The following TFAM variants were observed in gnomAD, a reference collection of about 807,000 sequenced individuals.
TFAM encodes transcription factor A, mitochondrial.
A neutral mutation model predicts 30.6 loss-of-function variants in TFAM; 13 were observed. The observed-to-expected ratio is 0.42, with a 90% CI of 0.28 to 0.67. The LOEUF (loss-of-function observed/expected upper bound fraction) is 0.67, where lower values mean the gene tolerates loss of function less well. Ranked by LOEUF, TFAM falls within the 30% of genes least tolerant of loss-of-function variation. The pLI is 0.21. For missense variants in TFAM, 231 were observed against 293.7 expected, an observed-to-expected ratio of 0.79 and a Z score of 1.56; for synonymous variants, 106 against 94.8, an observed-to-expected ratio of 1.12 and a Z score of -0.69.
intron 4 of TFAM, among the ~76,000 whole-genome samples, chr10:58,389,056 A>G (rs950442835): frequency 1.3e-5 from 2 of 152,224 alleles, no homozygotes; most frequent in Admixed American, 6.5e-5. Flanking sequence ...TCCACATTTA[A>G]GGTGTACAGT....
At chr10:58,386,965 A>T (rs1840502641) in intron 2 of TFAM, among the ~76,000 whole-genome samples, 1 of 152,074 alleles carries the variant, frequency 6.6e-6, no homozygotes, top group African/African-American at 2.4e-5. Flanking sequence ...CGGCGAGAAT[A>T]AAAAATGCTC....
rs545872825 is a variant in TFAM at position 58,391,092 on chromosome 10, CA to C, written c.537+233del. On this transcript the variant is annotated intron_variant, in intron 5 of 6. Coordinates refer to ENST00000487519, the MANE Select transcript of TFAM (RefSeq NM_003201.3). ...CAACTTTTTAAATTTAAATACTTAA[CA>C]TTTTTTTTAATATGTAGGGATATTA... 2.6e-4 allele frequency among the ~76,000 whole-genome samples: 39 copies of C among 152,086 alleles called. No homozygotes were observed. The South Asian group carries it at 6.8e-3, about 27-fold the overall frequency.
chr10:58,395,381 G>A lies in TFAM; in HGVS notation c.*307G>A. The A allele has an allele frequency of 2.7e-6, 1 of 367,536 alleles. No individual in the cohort carries two copies. The highest frequency in any genetic ancestry group is 5.0e-6 in the Non-Finnish European group (1 of 198,452). 22.8% of individuals were successfully genotyped at this position (367,536 alleles called of 1,614,324 possible). On this transcript the variant is annotated 3_prime_UTR_variant, in exon 7 of 7. Transcript: ENST00000487519. ...TGAAGTTTTTTTTATACAGGATGAT[G>A]ACTATGGAAAGAGTACTCTTGTTTC...
intron 6 of TFAM, 151 bp from the exon 7 acceptor site, chr10:58,394,777 A>G: frequency 1.4e-6 from 1 of 732,946 alleles, no homozygotes; most frequent in South Asian, 1.9e-5. Context: ...TCATGAAAAT[A>G]TTTCTTCTCC....
At chr10:58,394,607 A>G (rs1840650033) in intron 6 of TFAM, 193 bp downstream of exon 6, 1 of 723,830 alleles carries the variant, frequency 1.4e-6, no homozygotes, top group South Asian at 1.5e-5. Context: ...TAAAATTGGT[A>G]TTTGAAACCA....
chr10:58,394,005 T>C (rs988855324), intron 5 of TFAM, among the ~76,000 whole-genome samples: 1 of 152,186 alleles, frequency 6.6e-6, no homozygotes, highest in African/African-American at 2.4e-5. Flanking sequence ...TAAGTAGACT[T>C]ACTGGACTTG....
In TFAM at chr10:58,394,969, TAATGA is replaced by T; in HGVS notation, c.643_647del (p.Met215ValfsTer8). On this transcript the variant is annotated frameshift_variant, in exon 7 of 7. Transcript: ENST00000487519. LOFTEE classifies it low-confidence loss of function (END_TRUNC). Reference sequence around the variant, plus strand: ...CTAAAGAGGACGAAACTCGTTATCATAATGAAATGAAGTCTTGGGAAGAACAAATG... The same window carrying T: ...CTAAAGAGGACGAAACTCGTTATCATAATGAAGTCTTGGGAAGAACAAATG... 6.2e-7 allele frequency: 1 copy of T among 1,613,800 alleles called. No individual in the cohort carries two copies. Among genetic ancestry groups the T allele is most frequent in the Non-Finnish European group, 8.5e-7 (1 of 1,179,782 alleles).
intron 5 of TFAM, among the ~76,000 whole-genome samples, chr10:58,392,497 C>CT (rs965121643): frequency 2.3e-4 from 34 of 149,408 alleles, no homozygotes; most frequent in African/African-American, 6.9e-4. Context: ...GTCTTCTTTC[C>CT]TTTTTTTTTG....
chr10:58,387,084 A>G (rs1458523026), intron 2 of TFAM, among the ~76,000 whole-genome samples: 1 of 151,988 alleles, frequency 6.6e-6, no homozygotes, highest in Non-Finnish European at 1.5e-5. Context: ...GGAAACATGG[A>G]AATCCTGTCT....
At chr10:58,391,839 C>T (rs1840604233) in intron 5 of TFAM, among the ~76,000 whole-genome samples, 1 of 151,518 alleles carries the variant, frequency 6.6e-6, no homozygotes, top group African/African-American at 2.4e-5. Flanking sequence ...AAGCTGTATT[C>T]ACAGCTGACA....
rs796346575 is a variant in TFAM, at chr10:58,395,572, AC to A, written c.*499del. 4.9e-4 allele frequency: 119 copies of A among 240,452 alleles called. No homozygotes were observed. Among genetic ancestry groups the A allele is most frequent in the African/African-American group, 2.6e-3 (116 of 45,482 alleles). The allele number at this position is 240,452 out of a possible 1,614,324, so 14.9% of individuals were successfully genotyped here. On this transcript the variant is annotated 3_prime_UTR_variant, in exon 7 of 7. Coordinates refer to ENST00000487519, the MANE Select transcript of TFAM (RefSeq NM_003201.3). The stretch of plus-strand genomic sequence containing the variant: ...CATTGTATTCAGAGTTGATGGTTGT[AC>A]ATATAAGTGATTGCTGGTTTTAGTT...
intron 5 of TFAM, among the ~76,000 whole-genome samples, chr10:58,391,343 G>A (rs550975987): frequency 1.7e-4 from 26 of 152,300 alleles, no homozygotes; most frequent in Admixed American, 1.5e-3. Context: ...AATCCCTGCT[G>A]TGGCTTAGTC....
chr10:58,392,689 T>C (rs1364426745), intron 5 of TFAM, among the ~76,000 whole-genome samples: 1 of 152,050 alleles, frequency 6.6e-6, no homozygotes, highest in East Asian at 1.9e-4. Flanking sequence ...AACCTCTTTT[T>C]TTTTTTTGAG....
In TFAM at chr10:58,388,795, A is replaced by G; in HGVS notation, c.417A>G (p.Lys139=). 6.2e-7 allele frequency: 1 copy of G among 1,611,646 alleles called. No individual in the cohort carries two copies. The highest frequency in any genetic ancestry group is 8.5e-7 in the Non-Finnish European group (1 of 1,178,872). The change falls in exon 4 of 7, where the codon AAA becomes AAG. Residue 139 remains lysine (K), a synonymous_variant. Transcript: ENST00000487519. ...LEKEIMDKHL[K]RKAMTKKKEL... is the part of the protein sequence containing the mutation. ...AAGAAATCATGGACAAACATTTAAA[A>G]AGGAAAGCTATGACAAAAAAAAAAG... is the stretch of plus-strand genomic sequence containing the variant.
chr10:58,394,901 C>G (rs1220382361), intron 6 of TFAM, 27 bp from the exon 7 acceptor site: 1 of 1,594,598 alleles, frequency 6.3e-7, no homozygotes, highest in Admixed American at 1.7e-5. Flanking sequence ...ATAAGTAAAT[C>G]ATTTTAACAG....
At chr10:58,391,436 A>T (rs999007991) in intron 5 of TFAM, among the ~76,000 whole-genome samples, 2 of 152,112 alleles carry the variant, frequency 1.3e-5, no homozygotes, top group African/African-American at 4.8e-5. Flanking sequence ...AGAGAAATGG[A>T]TGTTTAGATC....
At chr10:58,390,903 G>C (rs1025109309) in intron 5 of TFAM, 43 bp downstream of exon 5, 4 of 1,538,462 alleles carry the variant, frequency 2.6e-6, no homozygotes, top group Non-Finnish European at 3.5e-6. Context: ...AAAATATTTA[G>C]ACAGGAAAAG....
At chr10:58,386,942 C>T (rs2132350277) in intron 2 of TFAM, among the ~76,000 whole-genome samples, 1 of 152,100 alleles carries the variant, frequency 6.6e-6, no homozygotes, top group South Asian at 2.1e-4. Context: ...TGTTGACTCT[C>T]TAGAAAGCCT....
At position 58,395,569 on chromosome 10, in the gene TFAM, T is replaced by G; in HGVS notation, c.*495T>G. The G allele has an allele frequency of 8.2e-6, 2 of 243,594 alleles. No homozygotes were observed. The highest frequency in any genetic ancestry group is 1.5e-5 in the Non-Finnish European group (2 of 129,488). 15.1% of individuals were successfully genotyped at this position (243,594 alleles called of 1,614,324 possible). A position where few individuals can be genotyped will look rare whatever the true frequency, so the allele number is the denominator to read the frequency against. On this transcript the variant is annotated 3_prime_UTR_variant, in exon 7 of 7. Coordinates refer to ENST00000487519, the MANE Select transcript of TFAM (RefSeq NM_003201.3). ...TCACATTGTATTCAGAGTTGATGGT[T>G]GTACATATAAGTGATTGCTGGTTTT... is the stretch of plus-strand genomic sequence containing the variant.
Sources: gnomAD v4.1 joint callset for allele counts (sites outside exome capture counted in the v4.1 genomes callset) on GRCh38, gnomAD v4.1.1 for gene constraint, MANE v1.5 for transcripts, NCBI Gene and HGNC (gene_info 2026-07-23, HGNC 2026-07-21) for gene names.